ATM: variants seen among roughly 807,000 people sequenced by gnomAD.
ATM encodes the protein serine-protein kinase ATM.
ATM carries 308 observed loss-of-function variants against 387.0 expected under a neutral mutation model. The ratio of observed to expected loss-of-function variants is 0.80; its 90% CI spans 0.73 to 0.87. The LOEUF (loss-of-function observed/expected upper bound fraction) is 0.87. Among genes scored for constraint, ATM ranks in the 40% least tolerant of loss-of-function variants. The pLI is 0.00. For missense variants in ATM, 3,312 were observed against 3,560.9 expected (o/e 0.93, Z 1.78); for synonymous variants, 1,156 against 1,187.3 (o/e 0.97, Z 0.54).
At chr11:108,357,466 C>G (rs1468578797) in intron 61 of ATM, among the ~76,000 whole-genome samples, 1 of 152,234 alleles carries the variant, frequency 6.6e-6, no homozygotes, top group Non-Finnish European at 1.5e-5. Flanking sequence ...ACCTGCCTGC[C>G]TCTGTAGGCT....
At chr11:108,300,397 G>A (rs2135898478) in intron 34 of ATM, among the ~76,000 whole-genome samples, 1 of 152,278 alleles carries the variant, frequency 6.6e-6, no homozygotes, top group African/African-American at 2.4e-5. Context: ...CAACTGGTTG[G>A]TTGAGATTAC....
At chr11:108,341,851 T>C (rs764795795) in intron 56 of ATM, among the ~76,000 whole-genome samples, 5 of 152,212 alleles carry the variant, frequency 3.3e-5, no homozygotes, top group Non-Finnish European at 5.9e-5. Context: ...GCGAAAGTTA[T>C]GGAATAACTC....
At chr11:108,342,697 T>A (rs1179350025) in intron 56 of ATM, among the ~76,000 whole-genome samples, 1 of 152,200 alleles carries the variant, frequency 6.6e-6, no homozygotes, top group Non-Finnish European at 1.5e-5. Flanking sequence ...AATATAATTT[T>A]AAAAAACTTT....
intron 60 of ATM, 78 bp from the exon 61 acceptor site, chr11:108,354,733 A>G: frequency 7.4e-6 from 9 of 1,217,274 alleles, no homozygotes; most frequent in Non-Finnish European, 1.1e-5. Context: ...CATACTACAC[A>G]TGAGAGTATA....
intron 22 of ATM, 152 bp from the exon 23 acceptor site, chr11:108,279,339 C>T: frequency 1.5e-6 from 1 of 653,766 alleles, no homozygotes; most frequent in South Asian, 1.7e-5. Context: ...TTTAAATAAA[C>T]TCAGGTTTTG....
At chr11:108,328,033 T>C (rs544257753) in intron 48 of ATM, among the ~76,000 whole-genome samples, 2 of 152,288 alleles carry the variant, frequency 1.3e-5, no homozygotes, top group East Asian at 1.9e-4. Flanking sequence ...TTCTGATCAT[T>C]TCTTCATTTA....
chr11:108,318,918 A>G (rs1335760994), intron 43 of ATM, among the ~76,000 whole-genome samples: 2 of 152,068 alleles, frequency 1.3e-5, no homozygotes, highest in East Asian at 1.9e-4. Context: ...GCTCATGCCT[A>G]TAATCCCAGC....
rs758128730 is a variant in ATM at position 108,331,994 on chromosome 11, G to A, written c.7745G>A (p.Arg2582Lys). The A allele has an allele frequency of 6.2e-7, 1 of 1,613,998 alleles. No homozygotes were observed. The highest frequency in any genetic ancestry group is 1.1e-5 in the South Asian group (1 of 91,076). ...LTKPEVARRSRITKNVPKQSS... is the reference protein window; with the variant it reads ...LTKPEVARRSKITKNVPKQSS... ...AAACCAGAGGTAGCCAGAAGAAGCA[G>A]AATAACTAAAAATGTGCCTAAACAA... The change falls in exon 52 of 63, where the codon AGA becomes AAA. Residue 2582 changes from arginine to lysine, a missense_variant. Arg to Lys is a conservative substitution (Grantham distance 26). Coordinates refer to ENST00000675843, the MANE Select transcript of ATM (RefSeq NM_000051.4).
intron 13 of ATM, among the ~76,000 whole-genome samples, chr11:108,255,512 G>C (rs1267295095): frequency 1.4e-5 from 2 of 143,394 alleles, no homozygotes; most frequent in Admixed American, 7.5e-5. Context: ...TGCAACCTTC[G>C]CCTCCTGGGT....
chr11:108,289,783 TTCACTA>T lies in ATM; in HGVS notation c.4420_4425del (p.His1474_Tyr1475del). 6.2e-7 allele frequency: 1 copy of T among 1,613,086 alleles called. No homozygotes were observed. Among genetic ancestry groups the T allele is most frequent in the Non-Finnish European group, 8.5e-7 (1 of 1,179,844 alleles). ...CTTCGAGACGTTATTTATACTTTGA[TTCACTA>T]TATCAACCAAAGGTAAATAACATAT... On this transcript the variant is annotated inframe_deletion, in exon 29 of 63. Coordinates refer to ENST00000675843, the MANE Select transcript of ATM (RefSeq NM_000051.4).
At chr11:108,239,338 A>G (rs1459411752) in intron 5 of ATM, among the ~76,000 whole-genome samples, 5 of 152,222 alleles carry the variant, frequency 3.3e-5, no homozygotes, top group Non-Finnish European at 2.9e-5. Context: ...TGTGGTTTCT[A>G]AGCCACCTAA....
At chr11:108,362,886 A>G (rs908815070) in intron 61 of ATM, among the ~76,000 whole-genome samples, 7 of 151,868 alleles carry the variant, frequency 4.6e-5, no homozygotes, top group Non-Finnish European at 8.8e-5. Flanking sequence ...CCAGCATGGC[A>G]TATGTATACA....
chr11:108,225,135 T>C (rs2078673715), intron 1 of ATM: 1 of 152,228 alleles, frequency 6.6e-6, no homozygotes, highest in African/African-American at 2.4e-5. Context: ...CCAAACCTTA[T>C]GGTTCTTTGG....
chr11:108,277,516 T>C (rs1405246276), intron 22 of ATM, among the ~76,000 whole-genome samples: 1 of 152,178 alleles, frequency 6.6e-6, no homozygotes, highest in Non-Finnish European at 1.5e-5. Flanking sequence ...AGGGAATCTC[T>C]TGGTCTGCGG....
intron 36 of ATM, among the ~76,000 whole-genome samples, chr11:108,303,920 T>G (rs561574486): frequency 2.0e-5 from 3 of 152,316 alleles, no homozygotes; most frequent in Non-Finnish European, 4.4e-5. Flanking sequence ...ATTCTCTAGC[T>G]CTAAAACTGG....
At chr11:108,293,037 C>T (rs377496758) in intron 30 of ATM, among the ~76,000 whole-genome samples, 8 of 152,100 alleles carry the variant, frequency 5.3e-5, no homozygotes, top group East Asian at 1.9e-4. Flanking sequence ...GATAGCAGTT[C>T]GCAACGTTAT....
Position 108,254,473 on chromosome 11 carries a change from G to A in ATM, c.2124+434G>A, listed in dbSNP as rs187959293. ...AAATGGACTAGCAATTATTTTAGAC[G>A]TCATCTAGGAATTTCCTTTAGCCTC... is the stretch of plus-strand genomic sequence containing the variant. On this transcript the variant is annotated intron_variant, in intron 13 of 62. Coordinates refer to ENST00000675843, the MANE Select transcript of ATM (RefSeq NM_000051.4). Among the ~76,000 whole-genome samples, 5 of 152,242 alleles carry A rather than the reference G, an allele frequency of 3.3e-5. No homozygotes were observed. In the East Asian group the frequency reaches 5.8e-4, roughly 18 times the overall value.
At chr11:108,338,143 G>T (rs113324485) in intron 56 of ATM, among the ~76,000 whole-genome samples, 10,882 of 152,340 alleles carry the variant, frequency 0.071, 451 homozygotes, top group Admixed American at 0.095. Context: ...GAGGCCAGGA[G>T]TTTGAGACCA....
At chr11:108,232,979 C>T (rs1169992003) in intron 4 of ATM, among the ~76,000 whole-genome samples, 1 of 152,178 alleles carries the variant, frequency 6.6e-6, no homozygotes, top group African/African-American at 2.4e-5. Context: ...TCTCCCGCCT[C>T]AGCTTCCCAA....
Sources: allele counts gnomAD v4.1 joint callset (sites outside exome capture counted in the v4.1 genomes callset), GRCh38; gene constraint gnomAD v4.1.1; transcripts MANE v1.5; gene names NCBI Gene and HGNC (gene_info 2026-07-23, HGNC 2026-07-21).